LRP1B: variants seen among roughly 807,000 people sequenced by gnomAD.
LRP1B encodes low-density lipoprotein receptor-related protein 1B.
Under a neutral mutation model 556.6 loss-of-function variants are expected in LRP1B, and 217 were observed. The observed-to-expected ratio is 0.39, with a 90% CI of 0.35 to 0.44. LRP1B has a LOEUF of 0.44. LRP1B is among the 20% of genes least tolerant of loss of function. The pLI is 1.00. For synonymous variants in LRP1B, 2,047 were observed against 1,865.8 expected (o/e 1.10, Z -2.50); for missense variants, 5,053 against 5,620.8 (o/e 0.90, Z 3.23).
intron 43 of LRP1B, among the ~76,000 whole-genome samples, chr2:140,547,256 A>G (rs538720422): frequency 3.0e-4 from 45 of 152,122 alleles, no homozygotes; most frequent in Non-Finnish European, 5.9e-4. Context: ...TACATTTGGT[A>G]GACTTTGGCT....
At chr2:141,377,416 CT>C (rs1357712780) in intron 3 of LRP1B, among the ~76,000 whole-genome samples, 5 of 151,848 alleles carry the variant, frequency 3.3e-5, no homozygotes, top group Non-Finnish European at 5.9e-5. Context: ...TGCTTTCTTT[CT>C]TTTCATTCAT....
At chr2:141,189,490 T>C (rs1015764315) in intron 6 of LRP1B, among the ~76,000 whole-genome samples, 2 of 152,026 alleles carry the variant, frequency 1.3e-5, no homozygotes, top group East Asian at 3.9e-4. Flanking sequence ...GAAGGGTCTC[T>C]TCTTTCCCTT....
At chr2:140,443,221 C>T (rs1169764312) in intron 65 of LRP1B, among the ~76,000 whole-genome samples, 1 of 152,062 alleles carries the variant, frequency 6.6e-6, no homozygotes, top group Non-Finnish European at 1.5e-5. Flanking sequence ...CCACTGCGCC[C>T]AGCTAATTTT....
intron 80 of LRP1B, among the ~76,000 whole-genome samples, chr2:140,325,049 T>G (rs931961675): frequency 5.3e-5 from 8 of 151,708 alleles, no homozygotes; most frequent in Non-Finnish European, 1.0e-4. Context: ...AAATTTAAAG[T>G]GGATATGATA....
At chr2:140,374,915 G>A (rs1470179990) in intron 68 of LRP1B, among the ~76,000 whole-genome samples, 3 of 151,962 alleles carry the variant, frequency 2.0e-5, no homozygotes, top group Non-Finnish European at 4.4e-5. Flanking sequence ...ATATTGTTTG[G>A]TAAAGTAAGG....
At chr2:140,511,833 C>CTAGTA (rs1199359621) in intron 51 of LRP1B, among the ~76,000 whole-genome samples, 1 of 152,078 alleles carries the variant, frequency 6.6e-6, no homozygotes, top group Non-Finnish European at 1.5e-5. Context: ...TGTTTGCTAA[C>CTAGTA]TAGTATGTCT....
intron 2 of LRP1B, among the ~76,000 whole-genome samples, chr2:141,778,376 T>C (rs554403329): frequency 8.5e-5 from 13 of 152,302 alleles, no homozygotes; most frequent in Admixed American, 3.3e-4. Context: ...GCAGCAGATA[T>C]GCTTTTGAAA....
intron 41 of LRP1B, among the ~76,000 whole-genome samples, chr2:140,615,346 C>T (rs1683219149): frequency 6.6e-6 from 1 of 152,090 alleles, no homozygotes; most frequent in African/African-American, 2.4e-5. Context: ...CCCCTGACTG[C>T]CAAACTATCT....
At chr2:140,393,851 G>A (rs1684133030) in intron 66 of LRP1B, among the ~76,000 whole-genome samples, 1 of 152,112 alleles carries the variant, frequency 6.6e-6, no homozygotes, top group Admixed American at 6.6e-5. Flanking sequence ...TTGGGAGGCA[G>A]ATTAACCATC....
intron 3 of LRP1B, among the ~76,000 whole-genome samples, chr2:141,295,201 C>T (rs1686135087): frequency 6.6e-6 from 1 of 152,142 alleles, no homozygotes; most frequent in Admixed American, 6.5e-5. Context: ...TACCAAGAAT[C>T]TTACCTTGGG....
At chr2:141,601,805 G>C (rs1470585755) in intron 2 of LRP1B, among the ~76,000 whole-genome samples, 1 of 152,060 alleles carries the variant, frequency 6.6e-6, no homozygotes, top group Admixed American at 6.6e-5. Flanking sequence ...GTTTCACCAT[G>C]TTGGCCAGGC....
chr2:140,355,842 C>T (rs1241008781), intron 75 of LRP1B, among the ~76,000 whole-genome samples: 1 of 151,732 alleles, frequency 6.6e-6, no homozygotes, highest in Non-Finnish European at 1.5e-5. Flanking sequence ...TAAATGATCT[C>T]AAGTAAGTTG....
At chr2:141,044,285 A>C (rs1698799397) in intron 11 of LRP1B, among the ~76,000 whole-genome samples, 2 of 151,740 alleles carry the variant, frequency 1.3e-5, no homozygotes, top group Non-Finnish European at 2.9e-5. Context: ...TGGATTAAAG[A>C]CTTAAACGTT....
intron 7 of LRP1B, among the ~76,000 whole-genome samples, chr2:141,155,489 T>A (rs538047796): frequency 1.6e-4 from 25 of 151,790 alleles, no homozygotes; most frequent in South Asian, 8.3e-4. Flanking sequence ...TATTATTATT[T>A]TTTTTTATTT....
At chr2:141,914,749 C>T (rs1574488468) in intron 1 of LRP1B, among the ~76,000 whole-genome samples, 1 of 151,976 alleles carries the variant, frequency 6.6e-6, no homozygotes, top group African/African-American at 2.4e-5. Context: ...CAAATACATT[C>T]TCCCCCATCT....
rs756135685 is a variant in LRP1B, at chr2:140,370,053, C to T, written c.11008+657G>A. Among the ~76,000 whole-genome samples the T allele has an allele frequency of 5.3e-5, 8 of 151,998 alleles. No homozygotes were observed. The South Asian group carries it at 6.2e-4, about 12-fold the overall frequency. On this transcript the variant is annotated intron_variant, in intron 71 of 90. Coordinates refer to ENST00000389484, the MANE Select transcript of LRP1B (RefSeq NM_018557.3). ...TAAGCTTCAGCACACAATTGCTTTG[C>T]GAAATAACTCTAAAGAAGTAACAAT...
intron 35 of LRP1B, among the ~76,000 whole-genome samples, chr2:140,736,185 GA>G (rs1687939437): frequency 6.6e-6 from 1 of 152,094 alleles, no homozygotes; most frequent in Non-Finnish European, 1.5e-5. Context: ...TATTATGTGA[GA>G]AAGGAAAACC....
chr2:141,960,736 G>A (rs1701380162), intron 1 of LRP1B, among the ~76,000 whole-genome samples: 1 of 151,642 alleles, frequency 6.6e-6, no homozygotes. Context: ...TACGGACCTG[G>A]GAAATTGCAT....
rs2104881511 is a variant in LRP1B at position 140,238,202 on chromosome 2, G to A, written c.13510C>T (p.His4504Tyr). The change falls in exon 89 of 91, where the codon CAC becomes TAC. Residue 4504 changes from histidine to tyrosine, a missense_variant. Coordinates refer to ENST00000389484, the MANE Select transcript of LRP1B (RefSeq NM_018557.3). The part of the protein sequence containing the change: ...SYNMYEVDHD[H>Y]NDGGLLDPGF... ...GGATCTAAAAGACCTCCATCGTTGT[G>A]ATCATGATCTACCTCATACATGTTA... The A allele has an allele frequency of 1.2e-6, 2 of 1,605,408 alleles. No homozygotes were observed. Among genetic ancestry groups the A allele is most frequent in the South Asian group, 2.2e-5 (2 of 90,568 alleles).
Sources: allele counts gnomAD v4.1 joint callset (sites outside exome capture counted in the v4.1 genomes callset), GRCh38; gene constraint gnomAD v4.1.1; transcripts MANE v1.5; gene names NCBI Gene and HGNC (gene_info 2026-07-23, HGNC 2026-07-21).